The following HFM1 variants were observed in gnomAD, a reference collection of about 807,000 sequenced individuals.
The protein encoded by HFM1 is helicase for meiosis 1.
In HFM1, 169 loss-of-function variants were observed where a neutral mutation model predicts 192.1. The observed-to-expected ratio is 0.88, with a 90% CI of 0.78 to 1.00. The LOEUF (loss-of-function observed/expected upper bound fraction) is 1.00, where lower values mean the gene tolerates loss of function less well. HFM1 is among the 50% of genes least tolerant of loss of function. The pLI, the probability that HFM1 is intolerant of heterozygous loss-of-function variation, is 0.00. For missense variants in HFM1, 1,661 were observed against 1,668.0 expected (o/e 1.00, Z 0.07); for synonymous variants, 525 against 537.8 (o/e 0.98, Z 0.33).
At chr1:91,387,240 C>G (rs11800386) in intron 4 of HFM1, among the ~76,000 whole-genome samples, 22 of 152,102 alleles carry the variant, frequency 1.4e-4, no homozygotes, top group Non-Finnish European at 2.5e-4. Flanking sequence ...CTCACGTTCC[C>G]TATTAGTGGG....
At chr1:91,320,786 C>A (rs1400909860) in intron 23 of HFM1, among the ~76,000 whole-genome samples, 1 of 152,072 alleles carries the variant, frequency 6.6e-6, no homozygotes, top group Admixed American at 6.5e-5. Context: ...CTGAGCTTGT[C>A]CTCAGTAAAA....
chr1:91,354,333 A>G (rs1657420234), intron 13 of HFM1, among the ~76,000 whole-genome samples: 1 of 151,978 alleles, frequency 6.6e-6, no homozygotes, highest in Non-Finnish European at 1.5e-5. Flanking sequence ...CAAAGCCTAT[A>G]GGACTTATGG....
At chr1:91,330,953 A>G (rs2101509487) in intron 20 of HFM1, among the ~76,000 whole-genome samples, 1 of 152,368 alleles carries the variant, frequency 6.6e-6, no homozygotes, top group Non-Finnish European at 1.5e-5. Context: ...CATTCATGAT[A>G]AATACCCTCA....
intron 36 of HFM1, among the ~76,000 whole-genome samples, chr1:91,264,530 G>T (rs1452672629): frequency 6.7e-6 from 1 of 148,484 alleles, no homozygotes; most frequent in Admixed American, 6.7e-5. Flanking sequence ...CCGCCATCAC[G>T]CCCGGCTAAT....
At chr1:91,304,380 G>A (rs1385141565) in intron 30 of HFM1, among the ~76,000 whole-genome samples, 5 of 152,084 alleles carry the variant, frequency 3.3e-5, no homozygotes, top group Admixed American at 1.3e-4. Context: ...AGCTTTATAT[G>A]TCATACCTAA....
At chr1:91,378,921 T>C (rs1374545713) in intron 9 of HFM1, 142 bp downstream of exon 9, 10 of 544,166 alleles carry the variant, frequency 1.8e-5, no homozygotes, top group East Asian at 1.0e-4. Flanking sequence ...GTACCTTGAA[T>C]TGTAGTATTT....
At chr1:91,367,820 T>C (rs1176210194) in intron 13 of HFM1, among the ~76,000 whole-genome samples, 1 of 151,776 alleles carries the variant, frequency 6.6e-6, no homozygotes, top group Non-Finnish European at 1.5e-5. Context: ...AAGGAGGAAG[T>C]TTGAACCCAT....
rs769917741 is a variant in HFM1, at chr1:91,323,076, A to T, written c.2534+17T>A. 1 of 1,419,900 alleles carries T rather than the reference A, an allele frequency of 7.0e-7. No individual in the cohort carries two copies. The highest frequency in any genetic ancestry group is 1.3e-5 in the South Asian group (1 of 75,026). 88.0% of individuals were successfully genotyped at this position (1,419,900 alleles called of 1,614,324 possible). A position where few individuals can be genotyped will look rare whatever the true frequency, so the allele number is the denominator to read the frequency against. The stretch of plus-strand genomic sequence containing the variant: ...AAAACCTCTTAAAATTATTTAAAAC[A>T]TATGTAATTTCTGTACCTGATAGTT... On this transcript the variant is annotated intron_variant, in intron 22 of 38. Coordinates refer to ENST00000370425, the MANE Select transcript of HFM1 (RefSeq NM_001017975.6).
chr1:91,303,754 T>C (rs1429808104), intron 30 of HFM1, among the ~76,000 whole-genome samples: 1 of 152,268 alleles, frequency 6.6e-6, no homozygotes, highest in African/African-American at 2.4e-5. Context: ...CATTTCTGCA[T>C]TGACTAACAA....
chr1:91,303,694 A>G (rs1649180398), intron 30 of HFM1, among the ~76,000 whole-genome samples: 1 of 152,212 alleles, frequency 6.6e-6, no homozygotes, highest in South Asian at 2.1e-4. Flanking sequence ...CATTTTGACT[A>G]AAGCCACCCT....
At chr1:91,315,792 A>G in intron 28 of HFM1, 23 bp downstream of exon 28, 1 of 1,567,040 alleles carries the variant, frequency 6.4e-7, no homozygotes, top group South Asian at 1.2e-5. Flanking sequence ...AATAAGATCA[A>G]ACATCAGAAA....
chr1:91,269,631 G>A (rs570158732), intron 34 of HFM1, among the ~76,000 whole-genome samples: 1 of 152,278 alleles, frequency 6.6e-6, no homozygotes, highest in East Asian at 1.9e-4. Context: ...AGTTTGTACA[G>A]AGTGCAATGG....
intron 20 of HFM1, among the ~76,000 whole-genome samples, chr1:91,339,938 A>G (rs1655106846): frequency 6.6e-6 from 1 of 152,196 alleles, no homozygotes; most frequent in Non-Finnish European, 1.5e-5. Flanking sequence ...GGAAACATAT[A>G]AAGCTAACAG....
At chr1:91,366,504 C>T (rs575664844) in intron 13 of HFM1, among the ~76,000 whole-genome samples, 1 of 152,194 alleles carries the variant, frequency 6.6e-6, no homozygotes, top group African/African-American at 2.4e-5. Flanking sequence ...CTACTTACAG[C>T]CTCTCTACCC....
At chr1:91,370,584 T>C (rs1243025374) in intron 13 of HFM1, among the ~76,000 whole-genome samples, 5 of 152,048 alleles carry the variant, frequency 3.3e-5, no homozygotes, top group Admixed American at 2.0e-4. Context: ...ATTGATTGGA[T>C]GTATCTCAAA....
chr1:91,275,462 T>G (rs1313025244), intron 32 of HFM1, among the ~76,000 whole-genome samples: 1 of 152,228 alleles, frequency 6.6e-6, no homozygotes, highest in Non-Finnish European at 1.5e-5. Flanking sequence ...CAGCTGTCTG[T>G]AGGACATCCT....
intron 33 of HFM1, among the ~76,000 whole-genome samples, chr1:91,274,338 C>T (rs1483655856): frequency 1.3e-5 from 2 of 151,806 alleles, no homozygotes; most frequent in African/African-American, 4.8e-5. Flanking sequence ...GTGTAATTTT[C>T]GTATTATAAA....
At chr1:91,318,067 T>C (rs1481626276) in intron 25 of HFM1, among the ~76,000 whole-genome samples, 1 of 14,406 alleles carries the variant, frequency 6.9e-5, no homozygotes, top group Non-Finnish European at 1.2e-4. Flanking sequence ...TTAGCCGAAT[T>C]TCAAAATTTT....
At chr1:91,345,769 G>A (rs1022898592) in intron 19 of HFM1, among the ~76,000 whole-genome samples, 1 of 152,088 alleles carries the variant, frequency 6.6e-6, no homozygotes, top group African/African-American at 2.4e-5. Context: ...GGGTGGAATG[G>A]TCCTGTCTCA....
Sources: gnomAD v4.1 joint callset for allele counts (sites outside exome capture counted in the v4.1 genomes callset) on GRCh38, gnomAD v4.1.1 for gene constraint, MANE v1.5 for transcripts, NCBI Gene and HGNC (gene_info 2026-07-23, HGNC 2026-07-21) for gene names.